Variants in FIP1L1 observed in about 807,000 individuals in gnomAD.
The protein encoded by FIP1L1 is factor interacting with PAPOLA and CPSF1.
FIP1L1 carries 21 observed loss-of-function variants against 84.6 expected under a neutral mutation model. That is an observed-to-expected ratio of 0.25 (90% CI 0.18 to 0.36). FIP1L1 has a LOEUF of 0.36. Among genes scored for constraint, FIP1L1 ranks in the 10% least tolerant of loss-of-function variants. FIP1L1 has a pLI of 1.00. For missense variants in FIP1L1, 526 were observed against 751.1 expected, an observed-to-expected ratio of 0.70 and a Z score of 3.50; for synonymous variants, 263 against 242.3, an observed-to-expected ratio of 1.09 and a Z score of -0.80.
chr4:53,399,163 A>G (rs1748961889), intron 9 of FIP1L1, among the ~76,000 whole-genome samples: 1 of 152,190 alleles, frequency 6.6e-6, no homozygotes, highest in Admixed American at 6.5e-5. Context: ...AAGACAGATG[A>G]TTAACTTCAA....
At chr4:53,401,223 C>T (rs1750089975) in intron 10 of FIP1L1, among the ~76,000 whole-genome samples, 1 of 152,120 alleles carries the variant, frequency 6.6e-6, no homozygotes. Context: ...ATTTAAAAAT[C>T]AATAGTTTTT....
Position 53,437,659 on chromosome 4 carries a change from A to G in FIP1L1, c.1175-4994A>G, listed in dbSNP as rs116705486. The stretch of plus-strand genomic sequence containing the variant: ...AGGGCCCAGCAATCTGTGTGTTTTA[A>G]GAGACTCTCCAGGTGATTCTCATGC... On this transcript the variant is annotated intron_variant, in intron 13 of 17. Coordinates refer to ENST00000337488, the MANE Select transcript of FIP1L1 (RefSeq NM_030917.4). Among the ~76,000 whole-genome samples, 1,328 of 152,008 alleles carry G rather than the reference A, an allele frequency of 8.7e-3. 21 individuals are homozygous for G. Among genetic ancestry groups the G allele is most frequent in the African/African-American group, 0.03 (1,252 of 41,520 alleles).
At chr4:53,427,895 C>G (rs1013686415) in intron 12 of FIP1L1, 132 bp from the exon 13 acceptor site, 4 of 703,290 alleles carry the variant, frequency 5.7e-6, no homozygotes, top group Non-Finnish European at 9.2e-6. Context: ...CTATTACTCT[C>G]CCCCCAAAAA....
intron 10 of FIP1L1, among the ~76,000 whole-genome samples, chr4:53,413,114 G>A (rs772264528): frequency 4.6e-5 from 7 of 151,140 alleles, no homozygotes; most frequent in Non-Finnish European, 8.9e-5. Context: ...ACATCAGATT[G>A]TTCCTCTTCA....
intron 10 of FIP1L1, among the ~76,000 whole-genome samples, chr4:53,404,458 G>T (rs1240844365): frequency 6.6e-6 from 1 of 152,082 alleles, no homozygotes; most frequent in Admixed American, 6.5e-5. Flanking sequence ...TGTGAATAAT[G>T]CTGCAATAGA....
chr4:53,397,974 A>G (rs1222771085), intron 9 of FIP1L1, among the ~76,000 whole-genome samples: 2 of 152,220 alleles, frequency 1.3e-5, no homozygotes, highest in African/African-American at 4.8e-5. Context: ...AATTCGGACA[A>G]TAGTGTCAAC....
chr4:53,455,821 G>A (rs1312170633), intron 16 of FIP1L1, among the ~76,000 whole-genome samples: 1 of 151,854 alleles, frequency 6.6e-6, no homozygotes, highest in African/African-American at 2.4e-5. Context: ...AAATGCACAA[G>A]AAGGAACTGA....
At chr4:53,430,551 G>A (rs1766192477) in intron 13 of FIP1L1, among the ~76,000 whole-genome samples, 1 of 151,646 alleles carries the variant, frequency 6.6e-6, no homozygotes, top group Non-Finnish European at 1.5e-5. Flanking sequence ...TGTCCAGGCT[G>A]GTCTTGAACT....
chr4:53,389,957 G>T, intron 6 of FIP1L1, 84 bp downstream of exon 6: 1 of 1,028,072 alleles, frequency 9.7e-7, no homozygotes, highest in Non-Finnish European at 1.4e-6. Context: ...TTTTTAGTCG[G>T]GGACAGAGTC....
chr4:53,380,008 A>G (rs1736947944), intron 3 of FIP1L1, among the ~76,000 whole-genome samples: 1 of 152,228 alleles, frequency 6.6e-6, no homozygotes, highest in Admixed American at 6.5e-5. Flanking sequence ...AACAGGTGTT[A>G]GTGAGGATAT....
At chr4:53,432,398 C>CAAAAAAAAAA (rs35596754) in intron 13 of FIP1L1, among the ~76,000 whole-genome samples, 2 of 68,404 alleles carry the variant, frequency 2.9e-5, no homozygotes, top group Non-Finnish European at 5.1e-5. Context: ...AACTCCATCT[C>CAAAAAAAAAA]AAAAAAAAAA....
intron 15 of FIP1L1, among the ~76,000 whole-genome samples, chr4:53,445,695 C>T (rs1375261983): frequency 3.9e-5 from 6 of 152,088 alleles, no homozygotes; most frequent in African/African-American, 7.2e-5. Context: ...TTGTCCATGC[C>T]GATAAGGGTC....
intron 15 of FIP1L1, among the ~76,000 whole-genome samples, chr4:53,452,111 T>G (rs780731782): frequency 6.6e-6 from 1 of 152,144 alleles, no homozygotes; most frequent in African/African-American, 2.4e-5. Context: ...CTTGAACTCC[T>G]GATCTCATGA....
chr4:53,426,359 T>C (rs1218278030), intron 12 of FIP1L1, among the ~76,000 whole-genome samples: 1 of 152,152 alleles, frequency 6.6e-6, no homozygotes, highest in Non-Finnish European at 1.5e-5. Context: ...GTTATAATGA[T>C]TTGTTAATTT....
intron 3 of FIP1L1, 114 bp downstream of exon 3, chr4:53,379,378 A>G: frequency 2.3e-6 from 2 of 887,156 alleles, no homozygotes; most frequent in Admixed American, 2.5e-5. Flanking sequence ...ACTGACTTAC[A>G]ACATTTTGGA....
chr4:53,433,863 C>G (rs1767861934), intron 13 of FIP1L1, among the ~76,000 whole-genome samples: 1 of 151,472 alleles, frequency 6.6e-6, no homozygotes, highest in African/African-American at 2.4e-5. Context: ...GGCTAATCAT[C>G]TAGTACTACT....
At chr4:53,378,877 T>A in intron 1 of FIP1L1, 196 bp from the exon 2 acceptor site, 1 of 592,132 alleles carries the variant, frequency 1.7e-6, no homozygotes. Context: ...AAAAATCGTT[T>A]GGTGGCAAGA....
intron 11 of FIP1L1, among the ~76,000 whole-genome samples, chr4:53,418,919 A>G (rs1760988062): frequency 6.6e-6 from 1 of 152,230 alleles, no homozygotes; most frequent in South Asian, 2.1e-4. Flanking sequence ...CACTGTACTG[A>G]AAAGATGTGC....
At chr4:53,386,580 C>T (rs1430952172) in intron 5 of FIP1L1, among the ~76,000 whole-genome samples, 3 of 152,102 alleles carry the variant, frequency 2.0e-5, no homozygotes, top group Non-Finnish European at 4.4e-5. Flanking sequence ...GAGAAGATCC[C>T]AGAGGTAACA....
Sources: gnomAD v4.1 joint callset for allele counts (sites outside exome capture counted in the v4.1 genomes callset) on GRCh38, gnomAD v4.1.1 for gene constraint, MANE v1.5 for transcripts, NCBI Gene and HGNC (gene_info 2026-07-23, HGNC 2026-07-21) for gene names.